Variants in SLC22A15 observed in about 807,000 individuals in gnomAD.
The protein encoded by SLC22A15 is solute carrier family 22 member 15.
Under a neutral mutation model 62.7 loss-of-function variants are expected in SLC22A15, and 45 were observed. That is an observed-to-expected ratio of 0.72 (90% CI 0.56 to 0.92). The LOEUF is 0.92. Ranked by LOEUF, SLC22A15 falls within the 40% of genes least tolerant of loss-of-function variation. SLC22A15 has a pLI of 0.00. For synonymous variants in SLC22A15, 264 were observed against 267.0 expected, an observed-to-expected ratio of 0.99 and a Z score of 0.11; for missense variants, 622 against 665.6, an observed-to-expected ratio of 0.93 and a Z score of 0.72.
intron 8 of SLC22A15, among the ~76,000 whole-genome samples, chr1:116,048,420 G>A (rs1264390915): frequency 3.3e-5 from 5 of 152,290 alleles, no homozygotes; most frequent in Non-Finnish European, 7.4e-5. Flanking sequence ...AGGGATTGGG[G>A]CCCTGTCTTC....
chr1:115,988,687 ATT>A (rs33995476), intron 1 of SLC22A15, among the ~76,000 whole-genome samples: 14,117 of 140,474 alleles, frequency 0.1, 1,453 homozygotes, highest in African/African-American at 0.27. Context: ...TGCCCAGCTA[ATT>A]TTTTTTTTTT....
chr1:116,031,889 G>A (rs757419607), intron 6 of SLC22A15: 8 of 1,130,706 alleles, frequency 7.1e-6, no homozygotes, highest in Non-Finnish European at 8.7e-6. Context: ...CCCTTCCCCT[G>A]CAAAAAAGGA....
intron 8 of SLC22A15, among the ~76,000 whole-genome samples, chr1:116,038,137 CACA>C (rs1657681831): frequency 6.6e-6 from 1 of 152,068 alleles, no homozygotes; most frequent in African/African-American, 2.4e-5. Context: ...AGGAGTGAGT[CACA>C]ACAACTCTCT....
chr1:116,062,738 A>G (rs776063138), intron 8 of SLC22A15, 24 bp from the exon 9 acceptor site: 2 of 1,613,272 alleles, frequency 1.2e-6, no homozygotes, highest in South Asian at 1.1e-5. Context: ...TGGGTCTCAC[A>G]GGCATTGCCC....
At position 116,041,207 on chromosome 1, in the gene SLC22A15, C is replaced by T. The variant is rs140459430; in HGVS notation, c.1171+3819C>T. On this transcript the variant is annotated intron_variant, in intron 8 of 11. Transcript: ENST00000369503. ...GAACCTTCATATCTCATTTCTTTTCCTAATGTTGGTCTGCACATTTCTTTA... is the reference window on the plus strand; with the variant it reads ...GAACCTTCATATCTCATTTCTTTTCTTAATGTTGGTCTGCACATTTCTTTA... Among the ~76,000 whole-genome samples, 153 of 152,290 alleles carry T rather than the reference C, an allele frequency of 1.0e-3. 1 individual carries two copies. The highest frequency in any genetic ancestry group is 3.4e-3 in the African/African-American group (141 of 41,560).
chr1:115,988,049 C>A (rs866647034), intron 1 of SLC22A15, among the ~76,000 whole-genome samples: 4 of 152,106 alleles, frequency 2.6e-5, no homozygotes, highest in Admixed American at 6.5e-5. Flanking sequence ...TTAAAAATTT[C>A]AATCCCCTAG....
At chr1:116,036,395 T>G (rs17035172) in intron 7 of SLC22A15, among the ~76,000 whole-genome samples, 7,530 of 152,206 alleles carry the variant, frequency 0.049, 252 homozygotes, top group African/African-American at 0.089. Context: ...CCATATTGAC[T>G]GTTAAATTAA....
At chr1:116,031,731 C>A in intron 6 of SLC22A15, 150 bp downstream of exon 6, 1 of 1,446,414 alleles carries the variant, frequency 6.9e-7, no homozygotes. Context: ...TGATCCTTAG[C>A]GCCTGGTTTT....
At chr1:115,979,013 G>A (rs892176771) in intron 1 of SLC22A15, among the ~76,000 whole-genome samples, 11 of 152,148 alleles carry the variant, frequency 7.2e-5, no homozygotes, top group African/African-American at 2.7e-4. Flanking sequence ...CCCCATCTGC[G>A]ATTTGATAAT....
chr1:116,042,398 A>G (rs1657812314), intron 8 of SLC22A15, among the ~76,000 whole-genome samples: 1 of 152,062 alleles, frequency 6.6e-6, no homozygotes, highest in Non-Finnish European at 1.5e-5. Context: ...AACAGGTTAA[A>G]CACTAAACAG....
intron 1 of SLC22A15, among the ~76,000 whole-genome samples, chr1:115,985,772 C>G (rs950941749): frequency 1.3e-5 from 2 of 151,352 alleles, no homozygotes; most frequent in Non-Finnish European, 2.9e-5. Context: ...GATGGTGAAA[C>G]CCTGTCTCTA....
chr1:116,041,939 GGTTTGTTTGTTT>G (rs371828342), intron 8 of SLC22A15, among the ~76,000 whole-genome samples: 3 of 151,624 alleles, frequency 2.0e-5, no homozygotes, highest in Admixed American at 6.6e-5. Context: ...GGAAAACCCT[GGTTTGTTTGTTT>G]GTTTGTTTGT....
chr1:116,035,599 G>A (rs1292731366), intron 7 of SLC22A15, among the ~76,000 whole-genome samples: 1 of 152,136 alleles, frequency 6.6e-6, no homozygotes, highest in Non-Finnish European at 1.5e-5. Context: ...ATTACCATCA[G>A]AGGGTTTATG....
At chr1:116,048,584 T>G (rs181743710) in intron 8 of SLC22A15, among the ~76,000 whole-genome samples, 114 of 152,196 alleles carry the variant, frequency 7.5e-4, no homozygotes, top group African/African-American at 2.6e-3. Context: ...TAAAAGGAGC[T>G]CTAAATCTTG....
At chr1:115,997,068 C>T (rs558895133) in intron 2 of SLC22A15, among the ~76,000 whole-genome samples, 7 of 152,136 alleles carry the variant, frequency 4.6e-5, no homozygotes, top group East Asian at 3.9e-4. Flanking sequence ...GGATACACTC[C>T]GTCTTTCACC....
At chr1:116,034,242 G>T (rs1657549642) in intron 6 of SLC22A15, among the ~76,000 whole-genome samples, 1 of 152,086 alleles carries the variant, frequency 6.6e-6, no homozygotes, top group African/African-American at 2.4e-5. Context: ...TCATATTTTT[G>T]TAAAGCCCAG....
rs368543907 is a variant in SLC22A15, at chr1:116,009,785, T to A, written c.301-9797T>A. Among the ~76,000 whole-genome samples the A allele has an allele frequency of 7.2e-5, 11 of 152,304 alleles. No homozygotes were observed. The South Asian group carries it at 2.1e-3, about 29-fold the overall frequency. On this transcript the variant is annotated intron_variant, in intron 2 of 11. Transcript: ENST00000369503. ...TAATATATAATCTGTGGTATATAGG[T>A]AATGTTTGGTTCATATTGAAATAAT...
intron 2 of SLC22A15, among the ~76,000 whole-genome samples, chr1:116,019,170 C>T (rs1656694681): frequency 6.6e-6 from 1 of 152,074 alleles, no homozygotes; most frequent in African/African-American, 2.4e-5. Flanking sequence ...AACCCATAAG[C>T]CAATTGGACA....
At chr1:116,035,162 C>A (rs1393530652) in intron 6 of SLC22A15, 25 bp from the exon 7 acceptor site, 1 of 1,605,232 alleles carries the variant, frequency 6.2e-7, no homozygotes, top group Non-Finnish European at 8.5e-7. Flanking sequence ...CTTTTACCTC[C>A]TGGTCCTTTG....
Sources: allele counts gnomAD v4.1 joint callset (sites outside exome capture counted in the v4.1 genomes callset), GRCh38; gene constraint gnomAD v4.1.1; transcripts MANE v1.5; gene names NCBI Gene and HGNC (gene_info 2026-07-23, HGNC 2026-07-21).